Variants in IMMP2L observed in about 807,000 individuals in gnomAD.
IMMP2L encodes the protein inner mitochondrial membrane peptidase subunit 2.
A neutral mutation model predicts 19.3 loss-of-function variants in IMMP2L; 18 were observed. The ratio of observed to expected loss-of-function variants is 0.93; its 90% CI spans 0.64 to 1.38. The LOEUF is 1.38. IMMP2L is among the 40% of genes most tolerant of loss of function. The pLI is 0.00. For synonymous variants in IMMP2L, 76 were observed against 73.0 expected (o/e 1.04, Z -0.21); for missense variants, 233 against 218.2 (o/e 1.07, Z -0.43).
chr7:110,791,014 A>G (rs1314116841), intron 5 of IMMP2L, among the ~76,000 whole-genome samples: 2 of 151,604 alleles, frequency 1.3e-5, no homozygotes, highest in Admixed American at 6.6e-5. Context: ...CAGGTGAACC[A>G]TCAAGAAAAT....
chr7:110,994,011 T>G lies in IMMP2L; in HGVS notation c.240-30446A>C, dbSNP rs534185966. Among the ~76,000 whole-genome samples the G allele has an allele frequency of 3.3e-5, 5 of 151,704 alleles. 1 individual carries two copies. In the East Asian group the frequency reaches 7.7e-4, roughly 23 times the overall value. On this transcript the variant is annotated intron_variant, in intron 3 of 5. Coordinates refer to ENST00000405709, the MANE Select transcript of IMMP2L (RefSeq NM_032549.4). ...CATGTTAGAACGTATCTTCTCTTACTTGGAAAAAAAAAAGGCTCTATTTGT... is the reference window on the plus strand; with the variant it reads ...CATGTTAGAACGTATCTTCTCTTACGTGGAAAAAAAAAAGGCTCTATTTGT...
intron 4 of IMMP2L, among the ~76,000 whole-genome samples, chr7:110,928,153 C>T (rs1433668994): frequency 6.6e-6 from 1 of 151,634 alleles, no homozygotes; most frequent in Non-Finnish European, 1.5e-5. Context: ...ACACAACAAA[C>T]CCCTAAAACA....
At chr7:111,316,845 CTTTTTTTTTTT>C (rs869155077) in intron 3 of IMMP2L, among the ~76,000 whole-genome samples, 14 of 75,908 alleles carry the variant, frequency 1.8e-4, no homozygotes, top group Non-Finnish European at 2.9e-4. Context: ...TTTTTTTTTT[CTTTTTTTTTTT>C]TTTTTTTTTT....
chr7:111,087,391 G>T (rs1390740276), intron 3 of IMMP2L, among the ~76,000 whole-genome samples: 2 of 151,162 alleles, frequency 1.3e-5, no homozygotes, highest in Admixed American at 1.3e-4. Context: ...GTTGGTTGCA[G>T]TGAGCCGAGA....
At chr7:111,501,395 C>T (rs1844236568) in intron 2 of IMMP2L, among the ~76,000 whole-genome samples, 1 of 152,184 alleles carries the variant, frequency 6.6e-6, no homozygotes, top group South Asian at 2.1e-4. Context: ...TTGGAAAACA[C>T]TCTGCAGGAT....
chr7:111,446,845 T>C (rs1209420200), intron 3 of IMMP2L, among the ~76,000 whole-genome samples: 1 of 150,712 alleles, frequency 6.6e-6, no homozygotes, highest in Non-Finnish European at 1.5e-5. Context: ...GAATAACCAA[T>C]ACAGAGAAAT....
At chr7:110,858,574 G>A (rs1232028435) in intron 5 of IMMP2L, among the ~76,000 whole-genome samples, 1 of 151,996 alleles carries the variant, frequency 6.6e-6, no homozygotes, top group Non-Finnish European at 1.5e-5. Context: ...CTGGAATCAA[G>A]TATCAATTTT....
At position 111,032,910 on chromosome 7, in the gene IMMP2L, C is replaced by T. The variant is rs183569199; in HGVS notation, c.240-69345G>A. On this transcript the variant is annotated intron_variant, in intron 3 of 5. Coordinates refer to ENST00000405709, the MANE Select transcript of IMMP2L (RefSeq NM_032549.4). ...AGAGGTGGGCAGATCACCCGAGGTCCGGAGTTCGAGACTAGCCTAGCCAAC... is the reference window on the plus strand; with the variant it reads ...AGAGGTGGGCAGATCACCCGAGGTCTGGAGTTCGAGACTAGCCTAGCCAAC... Among the ~76,000 whole-genome samples the T allele has an allele frequency of 3.4e-3, 522 of 152,038 alleles. 3 individuals carry two copies. Among genetic ancestry groups the T allele is most frequent in the African/African-American group, 0.012 (490 of 41,494 alleles).
At chr7:111,288,979 T>C (rs1230363453) in intron 3 of IMMP2L, among the ~76,000 whole-genome samples, 1 of 152,174 alleles carries the variant, frequency 6.6e-6, no homozygotes, top group East Asian at 1.9e-4. Context: ...ATATGTTTAT[T>C]GCGGCACTGT....
chr7:111,335,190 T>A (rs1234701959), intron 3 of IMMP2L, among the ~76,000 whole-genome samples: 4 of 151,906 alleles, frequency 2.6e-5, no homozygotes, highest in Non-Finnish European at 2.9e-5. Context: ...TAGAGCTAGG[T>A]TTCAGCCTCC....
At chr7:111,053,365 C>T (rs1473883076) in intron 3 of IMMP2L, among the ~76,000 whole-genome samples, 1 of 152,166 alleles carries the variant, frequency 6.6e-6, no homozygotes, top group East Asian at 1.9e-4. Context: ...TGTAGGCAAG[C>T]TCACTTGAGG....
chr7:110,882,272 C>A (rs1809718694), intron 5 of IMMP2L, among the ~76,000 whole-genome samples: 1 of 151,322 alleles, frequency 6.6e-6, no homozygotes, highest in Admixed American at 6.6e-5. Context: ...GTCCCAATTC[C>A]TCTCTTTGTC....
rs569181420 is a variant in IMMP2L at position 111,271,456 on chromosome 7, T to C, written c.239+215782A>G. Among the ~76,000 whole-genome samples, 36 of 152,306 alleles carry C rather than the reference T, an allele frequency of 2.4e-4. No homozygotes were observed. The East Asian group carries it at 6.9e-3, about 29-fold the overall frequency. ...AAATTACACTTATGCCCTCATGCTG[T>C]ATTTCACTGCTTTGGCCAGTGGTTC... On this transcript the variant is annotated intron_variant, in intron 3 of 5. Transcript: ENST00000405709.
chr7:111,526,045 C>T (rs977892827), intron 1 of IMMP2L, among the ~76,000 whole-genome samples: 9 of 150,122 alleles, frequency 6.0e-5, no homozygotes, highest in South Asian at 2.1e-4. Context: ...AAAGCAGTAA[C>T]ATATATGAAG....
chr7:111,014,633 G>A (rs1327271860), intron 3 of IMMP2L, among the ~76,000 whole-genome samples: 1 of 152,012 alleles, frequency 6.6e-6, no homozygotes, highest in Non-Finnish European at 1.5e-5. Flanking sequence ...AGTCAACAGA[G>A]TGAAAGGTAA....
intron 5 of IMMP2L, among the ~76,000 whole-genome samples, chr7:110,834,264 T>A (rs977443974): frequency 2.0e-5 from 3 of 152,176 alleles, no homozygotes; most frequent in Non-Finnish European, 2.9e-5. Flanking sequence ...CAGTTTAGAC[T>A]ATCACTTTCC....
At chr7:111,165,848 C>T (rs1805760768) in intron 3 of IMMP2L, among the ~76,000 whole-genome samples, 1 of 151,906 alleles carries the variant, frequency 6.6e-6, no homozygotes. Context: ...AGGCCAAGCC[C>T]CCGGCAAGTT....
Position 111,134,121 on chromosome 7 carries a change from T to C in IMMP2L, c.240-170556A>G, listed in dbSNP as rs1802106483. ...GACCTAGTTCTGTTTCCACTGTCAA[T>C]TGTATTTCTTTTTCAGAAATTTCAC... On this transcript the variant is annotated intron_variant, in intron 3 of 5. Coordinates refer to ENST00000405709, the MANE Select transcript of IMMP2L (RefSeq NM_032549.4). 3.3e-5 allele frequency among the ~76,000 whole-genome samples: 5 copies of C among 152,146 alleles called. No homozygotes were observed. The South Asian group carries it at 1.0e-3, about 32-fold the overall frequency.
At chr7:110,793,508 T>C (rs370922449) in intron 5 of IMMP2L, among the ~76,000 whole-genome samples, 3 of 151,868 alleles carry the variant, frequency 2.0e-5, no homozygotes, top group Non-Finnish European at 2.9e-5. Context: ...CAAAACCCTA[T>C]TGAAATAAAA....
Sources: gnomAD v4.1 joint callset for allele counts (sites outside exome capture counted in the v4.1 genomes callset) on GRCh38, gnomAD v4.1.1 for gene constraint, MANE v1.5 for transcripts, NCBI Gene and HGNC (gene_info 2026-07-23, HGNC 2026-07-21) for gene names.